ZFP64: variants seen among roughly 807,000 people sequenced by gnomAD.
ZFP64 encodes zinc finger protein 64.
A neutral mutation model predicts 51.6 loss-of-function variants in ZFP64; 14 were observed. The ratio of observed to expected loss-of-function variants is 0.27; its 90% confidence interval spans 0.18 to 0.42. The LOEUF (loss-of-function observed/expected upper bound fraction) is 0.42. Ranked by LOEUF, ZFP64 falls within the 10% of genes least tolerant of loss-of-function variation. The pLI is 1.00. For synonymous variants in ZFP64, 375 were observed against 361.4 expected, an observed-to-expected ratio of 1.04 and a Z score of -0.43; for missense variants, 754 against 906.8, an observed-to-expected ratio of 0.83 and a Z score of 2.16.
At chr20:52,103,527 T>TC (rs1258253917) in intron 5 of ZFP64, among the ~76,000 whole-genome samples, 4 of 152,140 alleles carry the variant, frequency 2.6e-5, no homozygotes, top group Non-Finnish European at 5.9e-5. Flanking sequence ...CACGACACCC[T>TC]CCCCATGCCC....
In ZFP64 at chr20:52,100,803, AAGG is replaced by A. The variant is rs60589539; in HGVS notation, c.764-2219_764-2217del. Among the ~76,000 whole-genome samples, 949 of 152,330 alleles carry A rather than the reference AAGG, an allele frequency of 6.2e-3. 8 individuals are homozygous for A. Among genetic ancestry groups the A allele is most frequent in the African/African-American group, 0.022 (912 of 41,572 alleles). ...TGAGCTTCAGTTTACTCGTTTGCAA[AAGG>A]AGATTACATGCCTCAGAGTTGCAGA... On this transcript the variant is annotated intron_variant, in intron 5 of 8. Transcript: ENST00000361387.
At chr20:52,189,886 C>A (rs755122582) in intron 1 of ZFP64, among the ~76,000 whole-genome samples, 19 of 152,138 alleles carry the variant, frequency 1.2e-4, no homozygotes, top group Non-Finnish European at 2.5e-4. Flanking sequence ...TCATAATCTT[C>A]TCAGCAACAA....
intron 5 of ZFP64, among the ~76,000 whole-genome samples, chr20:52,118,951 G>C (rs1237966654): frequency 6.6e-6 from 1 of 152,058 alleles, no homozygotes; most frequent in Non-Finnish European, 1.5e-5. Context: ...GAGGCTGGCT[G>C]GGGCAACATA....
Position 52,152,639 on chromosome 20 carries a change from G to A in ZFP64, c.1553C>T (p.Ala518Val). The part of the protein sequence containing the change: ...ANTIVQAAAA[A>V]VNIVPPALVA... ...CAAGGCAGGCGGGACGATGTTCACT[G>A]CAGCGGCGGCAGCCTGGACGATGGT... The change falls in exon 6 of 6, where the codon GCA (alanine) becomes GTA (valine). Residue 518 changes from alanine to valine, a missense_variant. Around this residue, in one of 3 missense-constraint regions of ZFP64, gnomAD observed 428 missense variants for 472.4 expected, o/e 0.91. Transcript: ENST00000216923. The A allele has an allele frequency of 6.5e-7, 1 of 1,533,846 alleles. No homozygotes were observed. Among genetic ancestry groups the A allele is most frequent in the Non-Finnish European group, 8.7e-7 (1 of 1,144,720 alleles).
chr20:52,111,551 C>T (rs2122816012), intron 5 of ZFP64, among the ~76,000 whole-genome samples: 1 of 151,978 alleles, frequency 6.6e-6, no homozygotes, highest in Non-Finnish European at 1.5e-5. Context: ...AGATAATCCC[C>T]TTTGTTCACA....
chr20:52,187,344 AGGCGCGGT>A (rs1183926688), intron 1 of ZFP64, among the ~76,000 whole-genome samples: 5 of 152,176 alleles, frequency 3.3e-5, no homozygotes, highest in Non-Finnish European at 7.3e-5. Context: ...AAAATTGGCC[AGGCGCGGT>A]GGCTCATGCC....
chr20:52,185,966 A>G (rs1281698775), intron 2 of ZFP64, among the ~76,000 whole-genome samples: 1 of 152,110 alleles, frequency 6.6e-6, no homozygotes, highest in Non-Finnish European at 1.5e-5. Flanking sequence ...ATATGCCACA[A>G]ATTTTTCCCC....
rs1322148977 is a variant in ZFP64, at chr20:52,153,334, A to G, written c.858T>C (p.Pro286=). 9 of 1,614,170 alleles carry G rather than the reference A, an allele frequency of 5.6e-6. No individual in the cohort carries two copies. Among genetic ancestry groups the G allele is most frequent in the Non-Finnish European group, 7.6e-6 (9 of 1,180,042 alleles). The stretch of plus-strand genomic sequence containing the variant: ...GGACATTGCAGAACTCGCACTTGAA[A>G]GGCTTCTCCCCCGAGTGCACCCGCA... ...RHMRVHSGEK[P]FKCEFCNVRC... is the part of the protein sequence containing the mutation. Residue 286 remains proline, a synonymous_variant, in exon 6 of 6, where the codon CCT becomes CCC. Coordinates refer to ENST00000216923, the MANE Select transcript of ZFP64 (RefSeq NM_018197.3). This position sits in a 1 kb window ranked among gnomAD's most constrained non-coding sequence, Gnocchi z 5.1.
rs114541071 is a variant in ZFP64 at position 52,087,065 on chromosome 20, T to A, written c.1228+1327A>T. ...GATAGTTTGGCTGGGTATAGAATTCTAAGTTCAAAATCATTTCCCAACTCT... is the reference window on the plus strand; with the variant it reads ...GATAGTTTGGCTGGGTATAGAATTCAAAGTTCAAAATCATTTCCCAACTCT... On this transcript the variant is annotated intron_variant, in intron 8 of 8. Coordinates refer to the ZFP64 transcript ENST00000361387. Among the ~76,000 whole-genome samples, 641 of 152,296 alleles carry A rather than the reference T, an allele frequency of 4.2e-3. 5 individuals are homozygous for A. Among genetic ancestry groups the A allele is most frequent in the African/African-American group, 0.014 (602 of 41,558 alleles).
chr20:52,156,087 A>G (rs1428180110), intron 5 of ZFP64, among the ~76,000 whole-genome samples: 1 of 152,244 alleles, frequency 6.6e-6, no homozygotes, highest in African/African-American at 2.4e-5. Context: ...AATCAAAATG[A>G]ACCATTTTCA....
At chr20:52,188,905 G>T (rs558070121) in intron 1 of ZFP64, among the ~76,000 whole-genome samples, 16 of 151,758 alleles carry the variant, frequency 1.1e-4, no homozygotes, top group African/African-American at 3.9e-4. Flanking sequence ...GAACCCGGAA[G>T]GCGCAGGTTG....
chr20:52,145,503 T>C (rs1980479430), intron 5 of ZFP64, among the ~76,000 whole-genome samples: 1 of 152,090 alleles, frequency 6.6e-6, no homozygotes, highest in African/African-American at 2.4e-5. Flanking sequence ...AAATATGTGG[T>C]GGTACATGCC....
chr20:52,137,659 G>A (rs1313263265), intron 5 of ZFP64, among the ~76,000 whole-genome samples: 2 of 152,132 alleles, frequency 1.3e-5, no homozygotes, highest in African/African-American at 4.8e-5. Flanking sequence ...TTGGGAATTT[G>A]AATGTAAGAG....
chr20:52,104,850 T>G (rs1201963678), intron 5 of ZFP64: 1 of 654,546 alleles, frequency 1.5e-6, no homozygotes, highest in Non-Finnish European at 2.9e-6. Flanking sequence ...TGAGGGGTCC[T>G]CTGAGCATCC....
chr20:52,110,314 C>A (rs73270825), intron 5 of ZFP64: 6,881 of 458,494 alleles, frequency 0.015, 417 homozygotes, highest in African/African-American at 0.12. Context: ...CCCACCCCTA[C>A]CAAACCCTGG....
At chr20:52,089,717 G>C (rs2078902019) in intron 7 of ZFP64, among the ~76,000 whole-genome samples, 4 of 148,188 alleles carry the variant, frequency 2.7e-5, no homozygotes, top group Admixed American at 6.8e-5. Context: ...CTCTAGCCTG[G>C]GTGACAGAGC....
chr20:52,111,347 G>A (rs556953122), intron 5 of ZFP64, among the ~76,000 whole-genome samples: 3 of 151,966 alleles, frequency 2.0e-5, no homozygotes, highest in African/African-American at 7.2e-5. Flanking sequence ...CTCCCAAGTA[G>A]CTGGGATTAT....
intron 5 of ZFP64, chr20:52,110,334 G>A (rs1314401405): frequency 8.1e-6 from 4 of 496,140 alleles, no homozygotes; most frequent in Non-Finnish European, 1.4e-5. Flanking sequence ...GAAAACCATA[G>A]AGAGCCTTTT....
At chr20:52,139,329 C>A (rs945697622) in intron 5 of ZFP64, among the ~76,000 whole-genome samples, 7 of 152,198 alleles carry the variant, frequency 4.6e-5, no homozygotes, top group African/African-American at 1.7e-4. Flanking sequence ...ACCATAACAA[C>A]ATGAAATCAT....
Sources: gnomAD v4.1 joint callset for allele counts (sites outside exome capture counted in the v4.1 genomes callset) on GRCh38, gnomAD v4.1.1 for gene constraint, gnomAD v4.1.1 regional missense constraint, Gnocchi (gnomAD v3.1) non-coding constraint, MANE v1.5 for transcripts, NCBI Gene and HGNC (gene_info 2026-07-23, HGNC 2026-07-21) for gene names.